CDH13: variants seen among roughly 807,000 people sequenced by gnomAD.
CDH13 encodes cadherin-13.
CDH13 carries 24 observed loss-of-function variants against 63.8 expected under a neutral mutation model. The observed-to-expected ratio is 0.38, with a 90% CI of 0.27 to 0.53. CDH13 has a LOEUF of 0.53. CDH13 is among the 20% of genes least tolerant of loss of function. The probability of loss-of-function intolerance (pLI) is 0.85; values close to 1 mark genes in which losing one functional copy is unlikely to be tolerated. For synonymous variants in CDH13, 503 were observed against 355.3 expected (o/e 1.42, Z -4.67); for missense variants, 1,049 against 903.1 (o/e 1.16, Z -2.07).
intron 2 of CDH13, among the ~76,000 whole-genome samples, chr16:82,863,249 C>T (rs990839745): frequency 6.6e-6 from 1 of 152,188 alleles, no homozygotes; most frequent in Non-Finnish European, 1.5e-5. Context: ...AGCAGGAGAG[C>T]AAGGTCGTGC....
intron 1 of CDH13, among the ~76,000 whole-genome samples, chr16:82,845,739 A>T (rs4782734): frequency 0.63 from 95,110 of 151,990 alleles, 30,353 homozygotes; most frequent in East Asian, 0.87. Flanking sequence ...CAGGTATTAT[A>T]TGGCATTCGA....
At chr16:83,118,929 C>T (rs913307952) in intron 3 of CDH13, among the ~76,000 whole-genome samples, 3 of 152,138 alleles carry the variant, frequency 2.0e-5, no homozygotes, top group Non-Finnish European at 2.9e-5. Context: ...TCCTCTGACC[C>T]CTTCTTCCTC....
intron 1 of CDH13, among the ~76,000 whole-genome samples, chr16:82,822,640 G>A (rs2038058206): frequency 6.6e-6 from 1 of 152,098 alleles, no homozygotes; most frequent in African/African-American, 2.4e-5. Context: ...GACTACAGGT[G>A]TGCACCGCCA....
At chr16:83,521,061 T>C (rs2074821243) in intron 7 of CDH13, among the ~76,000 whole-genome samples, 1 of 152,216 alleles carries the variant, frequency 6.6e-6, no homozygotes, top group African/African-American at 2.4e-5. Context: ...ATGTGCTTTT[T>C]AAAGCAACAT....
At chr16:82,695,269 G>A (rs2030132240) in intron 1 of CDH13, among the ~76,000 whole-genome samples, 1 of 152,202 alleles carries the variant, frequency 6.6e-6, no homozygotes, top group African/African-American at 2.4e-5. Context: ...CTCCCTCTGT[G>A]TGGTGTTTGG....
intron 7 of CDH13, among the ~76,000 whole-genome samples, chr16:83,512,882 G>C (rs905816736): frequency 6.6e-6 from 1 of 151,978 alleles, no homozygotes; most frequent in African/African-American, 2.4e-5. Flanking sequence ...CCAATAACCT[G>C]TGTTTTCAAC....
At chr16:82,977,500 A>G (rs1294644999) in intron 2 of CDH13, among the ~76,000 whole-genome samples, 1 of 152,142 alleles carries the variant, frequency 6.6e-6, no homozygotes, top group Non-Finnish European at 1.5e-5. Context: ...TGATGGTTTT[A>G]TATGGGGCTT....
rs544438204 is a variant in CDH13, at chr16:82,901,628, A to G, written c.157+43155A>G. Among the ~76,000 whole-genome samples the G allele has an allele frequency of 1.8e-3, 278 of 152,292 alleles. 1 individual carries two copies. The highest frequency in any genetic ancestry group is 3.3e-3 in the Non-Finnish European group (222 of 68,016). On this transcript the variant is annotated intron_variant, in intron 2 of 13. Transcript: ENST00000567109. The stretch of plus-strand genomic sequence containing the variant: ...ATAATTGCTCAATATATTTTTCAGT[A>G]AGGAATAAAAGAACCAACAAATATT...
intron 1 of CDH13, among the ~76,000 whole-genome samples, chr16:82,656,236 A>G (rs562654155): frequency 1.3e-3 from 205 of 152,086 alleles, no homozygotes; most frequent in African/African-American, 4.7e-3. Context: ...GGCACAGGGT[A>G]GAAGGAGAAT....
chr16:82,788,358 G>A (rs1164290533), intron 1 of CDH13, among the ~76,000 whole-genome samples: 7 of 152,168 alleles, frequency 4.6e-5, no homozygotes, highest in Admixed American at 1.3e-4. Context: ...AGATGGCTGA[G>A]TCCCAAGAGC....
intron 5 of CDH13, among the ~76,000 whole-genome samples, chr16:83,306,989 A>G (rs756410639): frequency 6.6e-6 from 1 of 152,238 alleles, no homozygotes; most frequent in Non-Finnish European, 1.5e-5. Context: ...ATAGTAATGC[A>G]TACATGAGAA....
At position 83,166,777 on chromosome 16, in the gene CDH13, C is replaced by T. The variant is rs574010195; in HGVS notation, c.483+41276C>T. ...TAATTCAGATTTTTCAAAAAATGCCCGTTGGGCATCAAGTAGCTTTTACAG... is the reference window on the plus strand; with the variant it reads ...TAATTCAGATTTTTCAAAAAATGCCTGTTGGGCATCAAGTAGCTTTTACAG... On this transcript the variant is annotated intron_variant, in intron 4 of 13. Coordinates refer to ENST00000567109, the MANE Select transcript of CDH13 (RefSeq NM_001257.5). Among the ~76,000 whole-genome samples the T allele has an allele frequency of 4.5e-4, 69 of 152,196 alleles. 1 individual carries two copies. The highest frequency in any genetic ancestry group is 2.2e-4 in the Non-Finnish European group (15 of 67,994).
At chr16:82,961,478 A>T (rs961173767) in intron 2 of CDH13, among the ~76,000 whole-genome samples, 3 of 151,788 alleles carry the variant, frequency 2.0e-5, no homozygotes, top group Non-Finnish European at 4.4e-5. Context: ...AAGAGTTGAA[A>T]TGAACTTCCT....
intron 2 of CDH13, among the ~76,000 whole-genome samples, chr16:83,000,220 C>CTTTTTTTTTTTTTTTTT (rs1567731430): frequency 2.4e-4 from 8 of 33,948 alleles, no homozygotes; most frequent in Middle Eastern, 0.017. Flanking sequence ...ACAGGTTTAG[C>CTTTTTTTTTTTTTTTTT]TTATTTTTTT....
At chr16:82,891,717 G>C (rs1193895321) in intron 2 of CDH13, among the ~76,000 whole-genome samples, 6 of 152,152 alleles carry the variant, frequency 3.9e-5, no homozygotes, top group African/African-American at 1.2e-4. Flanking sequence ...TACTGTCGTG[G>C]TTCTCACCTA....
At chr16:82,872,244 C>T (rs2040366832) in intron 2 of CDH13, among the ~76,000 whole-genome samples, 6 of 152,166 alleles carry the variant, frequency 3.9e-5, no homozygotes, top group Admixed American at 3.3e-4. Context: ...TAAGGACAGC[C>T]ATCACACCAG....
intron 6 of CDH13, among the ~76,000 whole-genome samples, chr16:83,437,215 T>A (rs2072331907): frequency 6.6e-6 from 1 of 152,112 alleles, no homozygotes; most frequent in Non-Finnish European, 1.5e-5. Flanking sequence ...CTGTGTGACC[T>A]TGGGTGAGTT....
At chr16:82,890,732 A>G (rs1304527370) in intron 2 of CDH13, among the ~76,000 whole-genome samples, 1 of 150,836 alleles carries the variant, frequency 6.6e-6, no homozygotes, top group Non-Finnish European at 1.5e-5. Context: ...GCTCACTGCA[A>G]CCTCCGCCTC....
chr16:82,884,520 G>A (rs996393844), intron 2 of CDH13: 5 of 221,014 alleles, frequency 2.3e-5, no homozygotes, highest in East Asian at 1.0e-4. Flanking sequence ...GGGGACACAG[G>A]AGGGAAGCAA....
Sources: gnomAD v4.1 joint callset for allele counts (sites outside exome capture counted in the v4.1 genomes callset) on GRCh38, gnomAD v4.1.1 for gene constraint, MANE v1.5 for transcripts, NCBI Gene and HGNC (gene_info 2026-07-23, HGNC 2026-07-21) for gene names.